CDKN1B: variants seen among roughly 807,000 people sequenced by gnomAD.
CDKN1B encodes the protein cyclin dependent kinase inhibitor 1B.
Under a neutral mutation model 17.1 loss-of-function variants are expected in CDKN1B, and 7 were observed. The ratio of observed to expected loss-of-function variants is 0.41; its 90% CI spans 0.23 to 0.77. CDKN1B has a LOEUF of 0.77. Among genes scored for constraint, CDKN1B ranks in the 30% least tolerant of loss-of-function variants. The probability of loss-of-function intolerance (pLI) is 0.33; values close to 1 mark genes in which losing one functional copy is unlikely to be tolerated. For missense variants in CDKN1B, 337 were observed against 262.0 expected, an observed-to-expected ratio of 1.29 and a Z score of -1.98; for synonymous variants, 149 against 104.3, an observed-to-expected ratio of 1.43 and a Z score of -2.61.
Position 12,717,865 on chromosome 12 carries a change from G to A in CDKN1B, c.26G>A (p.Gly9Glu), listed in dbSNP as rs1946485926. MSNVRVSN[G>E]SPSLERMDAR... is the part of the protein sequence containing the mutation. Reference sequence around the variant, plus strand: ...ATGTCAAACGTGCGAGTGTCTAACGGGAGCCCTAGCCTGGAGCGGATGGAC... The same window carrying A: ...ATGTCAAACGTGCGAGTGTCTAACGAGAGCCCTAGCCTGGAGCGGATGGAC... Residue 9 changes from glycine to glutamate, a missense_variant, in exon 1 of 3, where the codon GGG (glycine) becomes GAG (glutamate). Coordinates refer to ENST00000228872, the MANE Select transcript of CDKN1B (RefSeq NM_004064.5). The A allele has an allele frequency of 6.2e-7, 1 of 1,613,752 alleles. No homozygotes were observed. Among genetic ancestry groups the A allele is most frequent in the Non-Finnish European group, 8.5e-7 (1 of 1,180,028 alleles).
Position 12,718,958 on chromosome 12 carries a change from G to A in CDKN1B, c.*8+4G>A, listed in dbSNP as rs1946514437. 4 of 1,613,542 alleles carry A rather than the reference G, an allele frequency of 2.5e-6. No individual in the cohort carries two copies. Among genetic ancestry groups the A allele is most frequent in the South Asian group, 2.2e-5 (2 of 91,072 alleles). Reference sequence around the variant, plus strand: ...GACGTCAAACGTAAACAGCTCGGTGGGTTGATCACTAAAGGAGCACGCACT... The same window carrying A: ...GACGTCAAACGTAAACAGCTCGGTGAGTTGATCACTAAAGGAGCACGCACT... On this transcript the variant is annotated splice_donor_region_variant and intron_variant, in intron 2 of 2. Transcript: ENST00000228872.
rs748543504 is a variant in CDKN1B at position 12,717,871 on chromosome 12, C to G, written c.32C>G (p.Pro11Arg). The change falls in exon 1 of 3, where the codon CCT (proline) becomes CGT (arginine). Residue 11 changes from proline to arginine, a missense_variant. Physicochemically the swap from Pro to Arg is moderately radical, Grantham distance 103. Coordinates refer to ENST00000228872, the MANE Select transcript of CDKN1B (RefSeq NM_004064.5). MSNVRVSNGSPSLERMDARQA... is the reference protein window; with the variant it reads MSNVRVSNGSRSLERMDARQA... ...AACGTGCGAGTGTCTAACGGGAGCC[C>G]TAGCCTGGAGCGGATGGACGCCAGG... 1.9e-6 allele frequency: 3 copies of G among 1,613,858 alleles called. No homozygotes were observed. Among genetic ancestry groups the G allele is most frequent in the Non-Finnish European group, 2.5e-6 (3 of 1,180,018 alleles).
rs534342331 is a variant in CDKN1B, at chr12:12,717,878, G to A, written c.39G>A (p.Leu13=). Residue 13 remains leucine (L), a synonymous_variant, in exon 1 of 3, where the codon CTG becomes CTA. Transcript: ENST00000228872. ...NVRVSNGSPS[L]ERMDARQAEH... The stretch of plus-strand genomic sequence containing the variant: ...GAGTGTCTAACGGGAGCCCTAGCCT[G>A]GAGCGGATGGACGCCAGGCAGGCGG... 1.9e-6 allele frequency: 3 copies of A among 1,613,970 alleles called. No homozygotes were observed. The highest frequency in any genetic ancestry group is 2.5e-6 in the Non-Finnish European group (3 of 1,180,040).
Position 12,718,056 on chromosome 12 carries a change from A to G in CDKN1B, c.217A>G (p.Lys73Glu). Residue 73 changes from lysine (K) to glutamate (E), a missense_variant, in exon 1 of 3, where the codon AAG becomes GAG. By Grantham distance (56) the Lys-to-Glu change is moderately conservative (BLOSUM62 1). Coordinates refer to ENST00000228872, the MANE Select transcript of CDKN1B (RefSeq NM_004064.5). ...DFQNHKPLEG[K>E]YEWQEVEKGS... is the part of the protein sequence containing the mutation. ...TCAGAATCACAAACCCCTAGAGGGC[A>G]AGTACGAGTGGCAAGAGGTGGAGAA... 1 of 1,614,244 alleles carries G rather than the reference A, an allele frequency of 6.2e-7. No homozygotes were observed. The highest frequency in any genetic ancestry group is 1.1e-5 in the South Asian group (1 of 91,090).
In CDKN1B at chr12:12,717,718, T is replaced by C. The variant is rs1946482298; in HGVS notation, c.-122T>C. ...GTGGCTCGTCGGGGTCTGTGTCTTT[T>C]GGCTCCGAGGGCAGTCGCTGGGCTT... On this transcript the variant is annotated 5_prime_UTR_variant, in exon 1 of 3. Transcript: ENST00000228872. 7.0e-6 allele frequency: 11 copies of C among 1,562,436 alleles called. No individual in the cohort carries two copies. The highest frequency in any genetic ancestry group is 9.5e-6 in the Non-Finnish European group (11 of 1,163,780).
intron 2 of CDKN1B, among the ~76,000 whole-genome samples, chr12:12,720,552 TAC>T (rs1305490425): frequency 3.3e-5 from 5 of 152,214 alleles, no homozygotes; most frequent in Admixed American, 2.0e-4. Flanking sequence ...CCGTAAGTAT[TAC>T]AGTTTCCTAA....
rs767469702 is a variant in CDKN1B, at chr12:12,717,836, A to G, written c.-4A>G. On this transcript the variant is annotated 5_prime_UTR_variant, in exon 1 of 3. Coordinates refer to ENST00000228872, the MANE Select transcript of CDKN1B (RefSeq NM_004064.5). Reference sequence around the variant, plus strand: ...AGAGGCGGTCGTGCAGACCCGGGAGAAAGATGTCAAACGTGCGAGTGTCTA... The same window carrying G: ...AGAGGCGGTCGTGCAGACCCGGGAGGAAGATGTCAAACGTGCGAGTGTCTA... 6.2e-7 allele frequency: 1 copy of G among 1,612,240 alleles called. No homozygotes were observed. Among genetic ancestry groups the G allele is most frequent in the Non-Finnish European group, 8.5e-7 (1 of 1,179,954 alleles).
In CDKN1B at chr12:12,718,309, C is replaced by A. The variant is rs1217425525; in HGVS notation, c.470C>A (p.Thr157Asn). 6.2e-7 allele frequency: 1 copy of A among 1,601,516 alleles called. No individual in the cohort carries two copies. Among genetic ancestry groups the A allele is most frequent in the Non-Finnish European group, 8.5e-7 (1 of 1,179,760 alleles). The change falls in exon 1 of 3, where the codon ACC becomes AAC. Residue 157 changes from threonine (T) to asparagine (N), a missense_variant. Thr to Asn is a moderately conservative substitution (Grantham distance 65, BLOSUM62 0). Coordinates refer to ENST00000228872, the MANE Select transcript of CDKN1B (RefSeq NM_004064.5). ...QCAGIRKRPA[T>N]DDSSTQNKRA... ...GCAGGAATAAGGAAGCGACCTGCAACCGACGGTAATGACCCTTTCCCAACC... is the reference window on the plus strand; with the variant it reads ...GCAGGAATAAGGAAGCGACCTGCAAACGACGGTAATGACCCTTTCCCAACC...
chr12:12,717,576 C>T lies in CDKN1B; in HGVS notation c.-264C>T. On this transcript the variant is annotated 5_prime_UTR_variant, in exon 1 of 3. Transcript: ENST00000228872. ...CGGACGGGCTTTGCCACCCTCTCCG[C>T]TTGCCTGGTCCCCTCTCCTCTCCGC... 7.0e-7 allele frequency: 1 copy of T among 1,420,692 alleles called. No individual in the cohort carries two copies. Among genetic ancestry groups the T allele is most frequent in the Non-Finnish European group, 9.2e-7 (1 of 1,091,386 alleles). The allele number at this position is 1,420,692 out of a possible 1,614,324, so 88.0% of individuals were successfully genotyped here.
At chr12:12,720,711 C>T (rs932745695) in intron 2 of CDKN1B, among the ~76,000 whole-genome samples, 3 of 152,126 alleles carry the variant, frequency 2.0e-5, no homozygotes, top group African/African-American at 7.2e-5. Context: ...TATCCCTGGC[C>T]TCTCACACTA....
chr12:12,721,883 A>C lies in CDKN1B; in HGVS notation c.*856A>C, dbSNP rs1325601788. 1.3e-5 allele frequency: 2 copies of C among 152,192 alleles called. No individual in the cohort carries two copies. Among genetic ancestry groups the C allele is most frequent in the Admixed American group, 1.3e-4 (2 of 15,278 alleles). 9.4% of individuals were successfully genotyped at this position (152,192 alleles called of 1,614,324 possible). On this transcript the variant is annotated 3_prime_UTR_variant, in exon 3 of 3. Coordinates refer to ENST00000228872, the MANE Select transcript of CDKN1B (RefSeq NM_004064.5). ...AGTCAAAATAATTCTAAATCCCTCG[A>C]TATTTTTAAAGATCTGTAAGTAACT...
chr12:12,718,380 C>G (rs1946502291), intron 1 of CDKN1B, 66 bp downstream of exon 1: 1 of 1,401,556 alleles, frequency 7.1e-7, no homozygotes, highest in South Asian at 1.2e-5. Context: ...AGGGTGTTAA[C>G]CTTAGCTTGC....
chr12:12,718,992 G>A, intron 2 of CDKN1B, 38 bp downstream of exon 2: 2 of 1,611,804 alleles, frequency 1.2e-6, no homozygotes, highest in South Asian at 2.2e-5. Context: ...CTGGAACCCG[G>A]GGCCTTCAGA....
chr12:12,719,561 T>C (rs1275930457), intron 2 of CDKN1B: 1 of 152,448 alleles, frequency 6.6e-6, no homozygotes, highest in Non-Finnish European at 1.5e-5. Flanking sequence ...AAAAACCAAA[T>C]GGAAAGATAA....
rs2136357383 is a variant in CDKN1B, at chr12:12,718,886, A to C, written c.537A>C (p.Pro179=). 1 of 1,614,208 alleles carries C rather than the reference A, an allele frequency of 6.2e-7. No homozygotes were observed. Among genetic ancestry groups the C allele is most frequent in the Admixed American group, 1.7e-5 (1 of 60,022 alleles). Residue 179 remains proline (P), a synonymous_variant, in exon 2 of 3, where the codon CCA becomes CCC. Transcript: ENST00000228872. ...AAGAAAATGTTTCAGACGGTTCCCC[A>C]AATGCCGGTTCTGTGGAGCAGACGC... ...RTEENVSDGS[P]NAGSVEQTPK...
At position 12,719,124 on chromosome 12, in the gene CDKN1B, CAG is replaced by C. The variant is rs1306076377; in HGVS notation, c.*8+173_*8+174del. ...GAAGGCTGGGGATACGGTAATTCCTCAGAGTTTCTATGCCCAGAGATACTTTC... is the reference window on the plus strand; with the variant it reads ...GAAGGCTGGGGATACGGTAATTCCTCAGTTTCTATGCCCAGAGATACTTTC... On this transcript the variant is annotated intron_variant, in intron 2 of 2. Coordinates refer to ENST00000228872, the MANE Select transcript of CDKN1B (RefSeq NM_004064.5). 1.9e-5 allele frequency: 14 copies of C among 746,454 alleles called. No individual in the cohort carries two copies. In the East Asian group the frequency reaches 2.5e-4, roughly 13 times the overall value. The allele number at this position is 746,454 out of a possible 1,614,324, so 46.2% of individuals were successfully genotyped here. A position where few individuals can be genotyped will look rare whatever the true frequency, so the allele number is the denominator to read the frequency against.
chr12:12,717,876 C>T lies in CDKN1B; in HGVS notation c.37C>T (p.Leu13=), dbSNP rs1946486404. 1.2e-6 allele frequency: 2 copies of T among 1,613,962 alleles called. No homozygotes were observed. The highest frequency in any genetic ancestry group is 1.7e-6 in the Non-Finnish European group (2 of 1,180,032). Residue 13 remains leucine, a synonymous_variant, in exon 1 of 3, where the codon CTG becomes TTG. Coordinates refer to ENST00000228872, the MANE Select transcript of CDKN1B (RefSeq NM_004064.5). ...NVRVSNGSPS[L]ERMDARQAEH... Reference sequence around the variant, plus strand: ...GCGAGTGTCTAACGGGAGCCCTAGCCTGGAGCGGATGGACGCCAGGCAGGC... The same window carrying T: ...GCGAGTGTCTAACGGGAGCCCTAGCTTGGAGCGGATGGACGCCAGGCAGGC...
intron 2 of CDKN1B, among the ~76,000 whole-genome samples, chr12:12,720,612 A>G (rs546139286): frequency 6.6e-4 from 101 of 152,298 alleles, no homozygotes; most frequent in Admixed American, 2.6e-3. Context: ...TATTTAGAGT[A>G]GGGTTTCTCA....
intron 1 of CDKN1B, 33 bp from the exon 2 acceptor site, chr12:12,718,791 GT>G (rs757868434): frequency 1.2e-4 from 195 of 1,613,104 alleles, no homozygotes; most frequent in Non-Finnish European, 1.6e-4. Context: ...AATAAAGATT[GT>G]GTGTTCTTTT....
Sources: gnomAD v4.1 joint callset for allele counts (sites outside exome capture counted in the v4.1 genomes callset) on GRCh38, gnomAD v4.1.1 for gene constraint, MANE v1.5 for transcripts, NCBI Gene and HGNC (gene_info 2026-07-23, HGNC 2026-07-21) for gene names.